The following PTPRD variants were observed in gnomAD, a reference collection of about 807,000 sequenced individuals.
PTPRD encodes the protein receptor-type tyrosine-protein phosphatase delta.
In PTPRD, 34 loss-of-function variants were observed where a neutral mutation model predicts 214.5. That is an observed-to-expected ratio of 0.16 (90% CI 0.12 to 0.21). The LOEUF (loss-of-function observed/expected upper bound fraction) is 0.21. Among genes scored for constraint, PTPRD ranks in the 10% least tolerant of loss-of-function variants. The probability of loss-of-function intolerance (pLI) is 1.00; values close to 1 mark genes in which losing one functional copy is unlikely to be tolerated. For synonymous variants in PTPRD, 1,128 were observed against 845.7 expected (o/e 1.33, Z -5.79); for missense variants, 2,545 against 2,398.7 (o/e 1.06, Z -1.27).
intron 3 of PTPRD, among the ~76,000 whole-genome samples, chr9:10,337,622 T>A (rs889435492): frequency 6.6e-6 from 1 of 151,798 alleles, no homozygotes; most frequent in Non-Finnish European, 1.5e-5. Context: ...GTTTTATATG[T>A]AATTAAAACA....
Position 9,238,051 on chromosome 9 carries a change from A to T in PTPRD, c.-202-54688T>A, listed in dbSNP as rs191474806. On this transcript the variant is annotated intron_variant, in intron 9 of 45. Transcript: ENST00000381196. ...CCATTTGGTGAAGAGTAGATACAAG[A>T]TTACTAATAGGAAGCATCAGCGTTC... is the stretch of plus-strand genomic sequence containing the variant. Among the ~76,000 whole-genome samples the T allele has an allele frequency of 7.4e-4, 113 of 152,126 alleles. 2 individuals carry two copies. In the East Asian group the frequency reaches 0.019, roughly 26 times the overall value.
chr9:8,433,731 C>G (rs1345439443), intron 35 of PTPRD, among the ~76,000 whole-genome samples: 1 of 152,052 alleles, frequency 6.6e-6, no homozygotes, highest in African/African-American at 2.4e-5. Context: ...TAAGTGATAT[C>G]AAAAGAGAGT....
chr9:9,319,076 CGAAAA>C (rs1265029022), intron 9 of PTPRD, among the ~76,000 whole-genome samples: 1 of 152,136 alleles, frequency 6.6e-6, no homozygotes, highest in African/African-American at 2.4e-5. Context: ...ATAGGCTTGA[CGAAAA>C]GGATTGATTT....
intron 3 of PTPRD, among the ~76,000 whole-genome samples, chr9:10,071,930 C>T (rs2098027284): frequency 1.3e-5 from 2 of 151,592 alleles, no homozygotes; most frequent in East Asian, 3.9e-4. Flanking sequence ...TAATTATTAT[C>T]TACTAAATTA....
intron 11 of PTPRD, among the ~76,000 whole-genome samples, chr9:8,840,683 T>C (rs1020233031): frequency 6.6e-6 from 1 of 152,236 alleles, no homozygotes; most frequent in African/African-American, 2.4e-5. Flanking sequence ...GCTTAGTATG[T>C]AATTCGGTGG....
At chr9:9,201,904 A>G (rs1420843657) in intron 9 of PTPRD, among the ~76,000 whole-genome samples, 2 of 152,232 alleles carry the variant, frequency 1.3e-5, no homozygotes, top group Non-Finnish European at 2.9e-5. Context: ...GCCCATAGTG[A>G]AGTGTGATCA....
chr9:9,191,031 C>A (rs1245552020), intron 9 of PTPRD, among the ~76,000 whole-genome samples: 1 of 152,098 alleles, frequency 6.6e-6, no homozygotes, highest in Admixed American at 6.6e-5. Context: ...ACCTCCTCCC[C>A]TTGAATGTAG....
At chr9:10,453,612 G>A (rs1013333377) in intron 2 of PTPRD, among the ~76,000 whole-genome samples, 2 of 151,488 alleles carry the variant, frequency 1.3e-5, no homozygotes, top group Admixed American at 1.3e-4. Flanking sequence ...TTCATTGTTA[G>A]TGTATTGAAA....
intron 8 of PTPRD, among the ~76,000 whole-genome samples, chr9:9,546,207 C>A (rs1024273934): frequency 6.7e-6 from 1 of 148,648 alleles, no homozygotes; most frequent in Non-Finnish European, 1.5e-5. Flanking sequence ...CTGCTATAAT[C>A]CATTATTAGT....
At chr9:10,435,906 C>A (rs769755489) in intron 2 of PTPRD, among the ~76,000 whole-genome samples, 1 of 151,802 alleles carries the variant, frequency 6.6e-6, no homozygotes, top group African/African-American at 2.4e-5. Flanking sequence ...GCTGCCTTTG[C>A]TTTTCATGTT....
chr9:9,783,282 T>G (rs1451836680), intron 5 of PTPRD, among the ~76,000 whole-genome samples: 2 of 152,174 alleles, frequency 1.3e-5, no homozygotes, highest in Non-Finnish European at 2.9e-5. Flanking sequence ...AGTGAGCGTA[T>G]TATACAGTGC....
intron 11 of PTPRD, among the ~76,000 whole-genome samples, chr9:8,843,568 T>C (rs1181240082): frequency 6.6e-6 from 1 of 152,180 alleles, no homozygotes; most frequent in Non-Finnish European, 1.5e-5. Context: ...CCACTTCAAA[T>C]GTAGCTAGCA....
rs555201392 is a variant in PTPRD, at chr9:9,684,789, G to T, written c.-287+49744C>A. Among the ~76,000 whole-genome samples, 14 of 151,312 alleles carry T rather than the reference G, an allele frequency of 9.3e-5. No individual in the cohort carries two copies. In the South Asian group the frequency reaches 1.7e-3, roughly 18 times the overall value. ...TAATTCAGGCATTCCAGAAGTTTGC[G>T]GTCTTTAGAGCAGTGCAAATGAATG... On this transcript the variant is annotated intron_variant, in intron 7 of 45. Coordinates refer to ENST00000381196, the MANE Select transcript of PTPRD (RefSeq NM_002839.4).
chr9:9,537,609 G>C (rs1051548874), intron 8 of PTPRD, among the ~76,000 whole-genome samples: 1 of 151,914 alleles, frequency 6.6e-6, no homozygotes, highest in African/African-American at 2.4e-5. Flanking sequence ...CTTAGACTAA[G>C]GCATAGTTCA....
At chr9:9,294,603 T>C (rs2134288647) in intron 9 of PTPRD, among the ~76,000 whole-genome samples, 1 of 151,804 alleles carries the variant, frequency 6.6e-6, no homozygotes, top group South Asian at 2.1e-4. Context: ...GCTATTTCTC[T>C]ATGTCTGTGC....
At chr9:9,213,110 T>C (rs927656543) in intron 9 of PTPRD, among the ~76,000 whole-genome samples, 1 of 152,284 alleles carries the variant, frequency 6.6e-6, no homozygotes, top group South Asian at 2.1e-4. Flanking sequence ...TAGGCTCTTA[T>C]GTGAAAGTTC....
chr9:9,613,546 A>T (rs890945264), intron 7 of PTPRD, among the ~76,000 whole-genome samples: 3 of 152,158 alleles, frequency 2.0e-5, no homozygotes, highest in Non-Finnish European at 4.4e-5. Flanking sequence ...TTTTAGAGCC[A>T]AGAAGTTACA....
At chr9:9,908,767 C>G (rs1048692146) in intron 5 of PTPRD, among the ~76,000 whole-genome samples, 3 of 151,990 alleles carry the variant, frequency 2.0e-5, no homozygotes, top group Middle Eastern at 3.4e-3. Flanking sequence ...CAAAATATAA[C>G]ATATTTATCT....
intron 2 of PTPRD, among the ~76,000 whole-genome samples, chr9:10,364,833 G>A (rs370190918): frequency 2.6e-4 from 39 of 151,982 alleles, no homozygotes; most frequent in South Asian, 2.1e-3. Context: ...CTATATTTTC[G>A]TAGCTCACTA....
Sources: gnomAD v4.1 joint callset for allele counts (sites outside exome capture counted in the v4.1 genomes callset) on GRCh38, gnomAD v4.1.1 for gene constraint, MANE v1.5 for transcripts, NCBI Gene and HGNC (gene_info 2026-07-23, HGNC 2026-07-21) for gene names.